The following CADM2 variants were observed in gnomAD, a reference collection of about 807,000 sequenced individuals.
The protein encoded by CADM2 is cell adhesion molecule 2, also known as immunoglobulin superfamily member 4D.
A neutral mutation model predicts 49.8 loss-of-function variants in CADM2; 12 were observed. The observed-to-expected ratio is 0.24, with a 90% CI of 0.15 to 0.39. The LOEUF is 0.39. Ranked by LOEUF, CADM2 falls within the 10% of genes least tolerant of loss-of-function variation. The pLI is 1.00. For synonymous variants in CADM2, 214 were observed against 175.4 expected (o/e 1.22, Z -1.74); for missense variants, 378 against 492.3 (o/e 0.77, Z 2.20).
In CADM2 at chr3:85,878,192, G is replaced by A. The variant is rs11127910; in HGVS notation, c.239-5099G>A. ...TGGCAGTTTCTTGGTCCTTAAGAATGTGTTGTCCATTTTTAAATATATATT... is the reference window on the plus strand; with the variant it reads ...TGGCAGTTTCTTGGTCCTTAAGAATATGTTGTCCATTTTTAAATATATATT... On this transcript the variant is annotated intron_variant, in intron 3 of 9. Transcript: ENST00000383699. 3.4e-4 allele frequency among the ~76,000 whole-genome samples: 52 copies of A among 152,156 alleles called. No homozygotes were observed. In the East Asian group the frequency reaches 9.7e-3, roughly 28 times the overall value.
intron 1 of CADM2, among the ~76,000 whole-genome samples, chr3:85,194,224 T>G (rs2041282137): frequency 2.0e-5 from 3 of 152,050 alleles, no homozygotes; most frequent in African/African-American, 7.2e-5. Flanking sequence ...AAAAGTTCAA[T>G]TATTCTGGAC....
intron 1 of CADM2, among the ~76,000 whole-genome samples, chr3:85,051,563 T>A (rs1427200073): frequency 2.0e-5 from 3 of 152,132 alleles, no homozygotes; most frequent in African/African-American, 7.2e-5. Context: ...TTTGGCAGCA[T>A]CTTAAGAAGA....
At chr3:85,538,385 C>A (rs1285815302) in intron 1 of CADM2, among the ~76,000 whole-genome samples, 1 of 152,050 alleles carries the variant, frequency 6.6e-6, no homozygotes, top group Non-Finnish European at 1.5e-5. Context: ...GATACCAAGG[C>A]TCCTTGGAGA....
intron 8 of CADM2, among the ~76,000 whole-genome samples, chr3:85,972,691 C>T (rs1726297799): frequency 6.6e-6 from 1 of 151,686 alleles, no homozygotes; most frequent in Non-Finnish European, 1.5e-5. Context: ...TTGTACACTG[C>T]ATTTGTAGAG....
At chr3:85,906,574 G>C (rs1716838802) in intron 5 of CADM2, among the ~76,000 whole-genome samples, 2 of 152,180 alleles carry the variant, frequency 1.3e-5, no homozygotes, top group Non-Finnish European at 1.5e-5. Flanking sequence ...ATTATGACTG[G>C]TACTTCCTTC....
chr3:85,771,873 A>C (rs1398501015), intron 2 of CADM2, among the ~76,000 whole-genome samples: 2 of 152,134 alleles, frequency 1.3e-5, no homozygotes, highest in Non-Finnish European at 2.9e-5. Flanking sequence ...GAATGATCAG[A>C]AAGAACTAGT....
chr3:86,015,079 C>A (rs2106949237), intron 8 of CADM2: 1 of 625,668 alleles, frequency 1.6e-6, no homozygotes, highest in South Asian at 2.2e-5. Context: ...ACAAGTAAGT[C>A]AGAGCTTCCC....
At chr3:85,331,378 T>C (rs940340228) in intron 1 of CADM2, among the ~76,000 whole-genome samples, 3 of 151,994 alleles carry the variant, frequency 2.0e-5, no homozygotes, top group African/African-American at 7.2e-5. Context: ...ACATGTGATA[T>C]TTGTTTTTCT....
At chr3:85,596,157 ATATTT>A (rs966134470) in intron 1 of CADM2, among the ~76,000 whole-genome samples, 26 of 151,748 alleles carry the variant, frequency 1.7e-4, no homozygotes, top group African/African-American at 5.6e-4. Context: ...GTTTATTTAT[ATATTT>A]TATTTTATTA....
chr3:85,007,626 T>C (rs2033797455), intron 1 of CADM2, among the ~76,000 whole-genome samples: 1 of 152,140 alleles, frequency 6.6e-6, no homozygotes, highest in South Asian at 2.1e-4. Context: ...CTAAAAATAA[T>C]GTGTAGTGAT....
intron 9 of CADM2, 57 bp from the exon 10 acceptor site, chr3:86,066,608 T>C: frequency 1.6e-6 from 2 of 1,270,282 alleles, no homozygotes; most frequent in Non-Finnish European, 2.3e-6. Context: ...GTAGCTTTAA[T>C]GCTGGGTATT....
intron 1 of CADM2, among the ~76,000 whole-genome samples, chr3:85,206,251 T>C (rs912040481): frequency 2.6e-5 from 4 of 151,944 alleles, no homozygotes; most frequent in African/African-American, 9.7e-5. Context: ...CTTTTATAAG[T>C]GAAATCTTGT....
intron 8 of CADM2, among the ~76,000 whole-genome samples, chr3:85,982,691 C>T (rs914601914): frequency 2.0e-5 from 3 of 151,472 alleles, no homozygotes; most frequent in Non-Finnish European, 3.0e-5. Context: ...AATTATGTGA[C>T]GTTGTTTCTT....
At chr3:86,040,562 C>G (rs908563363) in intron 8 of CADM2, among the ~76,000 whole-genome samples, 1 of 152,078 alleles carries the variant, frequency 6.6e-6, no homozygotes, top group Non-Finnish European at 1.5e-5. Flanking sequence ...AACAAAGCCT[C>G]CAAGAAATAT....
intron 1 of CADM2, among the ~76,000 whole-genome samples, chr3:85,580,033 C>G (rs6549041): frequency 0.51 from 78,071 of 152,002 alleles, 23,074 homozygotes; most frequent in East Asian, 0.85. Flanking sequence ...TCAGCTAAAT[C>G]ATTGTCAATG....
At chr3:85,249,734 C>A (rs535570619) in intron 1 of CADM2, among the ~76,000 whole-genome samples, 51 of 151,886 alleles carry the variant, frequency 3.4e-4, no homozygotes, top group Admixed American at 1.5e-3. Flanking sequence ...AAAATCTATA[C>A]AATTTGGATT....
At chr3:85,288,846 C>A (rs1416075730) in intron 1 of CADM2, among the ~76,000 whole-genome samples, 4 of 135,068 alleles carry the variant, frequency 3.0e-5, no homozygotes, top group African/African-American at 1.0e-4. Context: ...ACAGTCTTGA[C>A]CTTTATTGTT....
chr3:85,939,351 C>T (rs372883549), intron 7 of CADM2, among the ~76,000 whole-genome samples: 16 of 151,950 alleles, frequency 1.1e-4, no homozygotes, highest in African/African-American at 3.6e-4. Flanking sequence ...GAGGACCGAG[C>T]TAATGCCAGC....
intron 1 of CADM2, among the ~76,000 whole-genome samples, chr3:84,970,391 T>C (rs1269247581): frequency 6.6e-6 from 1 of 151,782 alleles, no homozygotes; most frequent in Non-Finnish European, 1.5e-5. Flanking sequence ...ACTCTACAAT[T>C]TGTAGTGACT....
Sources: gnomAD v4.1 joint callset for allele counts (sites outside exome capture counted in the v4.1 genomes callset) on GRCh38, gnomAD v4.1.1 for gene constraint, MANE v1.5 for transcripts, NCBI Gene and HGNC (gene_info 2026-07-23, HGNC 2026-07-21) for gene names.